The following TTC27 variants were observed in gnomAD, a reference collection of about 807,000 sequenced individuals.
The protein encoded by TTC27 is tetratricopeptide repeat domain 27.
TTC27 carries 79 observed loss-of-function variants against 115.9 expected under a neutral mutation model. The observed-to-expected ratio is 0.68, with a 90% confidence interval of 0.57 to 0.82. TTC27 has a LOEUF of 0.82. Among genes scored for constraint, TTC27 ranks in the 40% least tolerant of loss-of-function variants. The pLI, the probability that TTC27 is intolerant of heterozygous loss-of-function variation, is 0.00. For missense variants in TTC27, 1,054 were observed against 993.1 expected (o/e 1.06, Z -0.82); for synonymous variants, 401 against 356.0 (o/e 1.13, Z -1.42).
In TTC27 at chr2:32,664,279, A is replaced by C. The variant is rs764813463; in HGVS notation, c.641-24A>C. 1.9e-6 allele frequency: 3 copies of C among 1,571,854 alleles called. No individual in the cohort carries two copies. In the South Asian group the frequency reaches 3.5e-5, roughly 19 times the overall value. On this transcript the variant is annotated intron_variant, in intron 5 of 19. Coordinates refer to ENST00000317907, the MANE Select transcript of TTC27 (RefSeq NM_017735.5). Reference sequence around the variant, plus strand: ...TATTTTTCTTCTCATCATAACTTTTAATGTTTTATCTTTTGTCTTGCAGTG... The same window carrying C: ...TATTTTTCTTCTCATCATAACTTTTCATGTTTTATCTTTTGTCTTGCAGTG...
At chr2:32,716,652 A>G (rs1479673013) in intron 10 of TTC27, among the ~76,000 whole-genome samples, 1 of 151,554 alleles carries the variant, frequency 6.6e-6, no homozygotes, top group Non-Finnish European at 1.5e-5. Context: ...GTTACTCTAT[A>G]TTCTATTGGG....
intron 10 of TTC27, among the ~76,000 whole-genome samples, chr2:32,706,386 C>G (rs1023498195): frequency 6.6e-6 from 1 of 150,772 alleles, no homozygotes; most frequent in African/African-American, 2.4e-5. Context: ...CCTGGCCTAT[C>G]TTATTCTTAA....
intron 9 of TTC27, among the ~76,000 whole-genome samples, chr2:32,681,265 A>G (rs1385078927): frequency 6.6e-6 from 1 of 152,196 alleles, no homozygotes; most frequent in Non-Finnish European, 1.5e-5. Context: ...AGCCCCACAC[A>G]TACTTTGGGC....
At chr2:32,811,674 A>C (rs1303997614) in intron 17 of TTC27, among the ~76,000 whole-genome samples, 1 of 152,222 alleles carries the variant, frequency 6.6e-6, no homozygotes, top group Non-Finnish European at 1.5e-5. Flanking sequence ...TTAAGTCAAA[A>C]CATAATACTT....
chr2:32,753,164 T>C (rs187565565), intron 12 of TTC27, among the ~76,000 whole-genome samples: 2 of 152,072 alleles, frequency 1.3e-5, no homozygotes, highest in East Asian at 3.9e-4. Context: ...ATGAATTAGC[T>C]TGGGCTTCTT....
At chr2:32,786,500 G>GT (rs979897588) in intron 15 of TTC27, among the ~76,000 whole-genome samples, 1 of 152,074 alleles carries the variant, frequency 6.6e-6, no homozygotes, top group Admixed American at 6.6e-5. Context: ...TTGACTGAAG[G>GT]TTTTTTTCTC....
intron 14 of TTC27, 81 bp from the exon 15 acceptor site, chr2:32,782,545 A>G (rs1670215929): frequency 3.3e-6 from 4 of 1,219,042 alleles, no homozygotes; most frequent in Non-Finnish European, 3.6e-6. Context: ...TTGGACTAGG[A>G]GAGTGTGTTG....
chr2:32,683,860 C>T (rs1666530046), intron 9 of TTC27, among the ~76,000 whole-genome samples: 1 of 151,862 alleles, frequency 6.6e-6, no homozygotes, highest in Non-Finnish European at 1.5e-5. Flanking sequence ...TTTTCCTTGG[C>T]AAAAGTTTGT....
intron 10 of TTC27, chr2:32,704,943 A>C: frequency 4.2e-6 from 2 of 470,776 alleles, no homozygotes; most frequent in South Asian, 3.1e-5. Flanking sequence ...ATTTCTCCCC[A>C]AGTAAAGTTA....
At chr2:32,674,203 T>G (rs867760949) in intron 8 of TTC27, among the ~76,000 whole-genome samples, 2 of 151,216 alleles carry the variant, frequency 1.3e-5, no homozygotes, top group Admixed American at 1.3e-4. Flanking sequence ...CAGGCTGGAG[T>G]GCAGTGGCGC....
chr2:32,659,166 A>G lies in TTC27; in HGVS notation c.641-5137A>G, dbSNP rs568997062. 5.3e-5 allele frequency among the ~76,000 whole-genome samples: 8 copies of G among 152,138 alleles called. No individual in the cohort carries two copies. In the East Asian group the frequency reaches 7.7e-4, roughly 15 times the overall value. The stretch of plus-strand genomic sequence containing the variant: ...TTTTTTGTTGAGATGAGTCCACTCT[A>G]TGTTGCTCAGGCTTGTCTTGAACTC... On this transcript the variant is annotated intron_variant, in intron 5 of 19. Transcript: ENST00000317907.
intron 4 of TTC27, among the ~76,000 whole-genome samples, chr2:32,646,448 G>A (rs899885003): frequency 6.6e-6 from 1 of 151,850 alleles, no homozygotes; most frequent in East Asian, 1.9e-4. Flanking sequence ...GGATTAACAG[G>A]CATAAGCTAC....
At chr2:32,696,390 A>G (rs998221753) in intron 9 of TTC27, among the ~76,000 whole-genome samples, 2 of 151,448 alleles carry the variant, frequency 1.3e-5, no homozygotes, top group Admixed American at 6.6e-5. Context: ...CCTGGGTTCA[A>G]GCACTTCTCC....
intron 8 of TTC27, 68 bp from the exon 9 acceptor site, chr2:32,678,787 TA>T (rs1185176572): frequency 1.6e-6 from 2 of 1,254,798 alleles, no homozygotes; most frequent in Non-Finnish European, 2.2e-6. Context: ...CTTTGCTTTT[TA>T]AAAATTATAT....
rs558593473 is a variant in TTC27 at position 32,806,609 on chromosome 2, T to C, written c.1999-4415T>C. Reference sequence around the variant, plus strand: ...TCCTGGCTAACACGGTGAAACCCCATCTCTACTAAAAATACAGAAAAAATT... The same window carrying C: ...TCCTGGCTAACACGGTGAAACCCCACCTCTACTAAAAATACAGAAAAAATT... On this transcript the variant is annotated intron_variant, in intron 16 of 19. Transcript: ENST00000317907. 9.2e-5 allele frequency among the ~76,000 whole-genome samples: 14 copies of C among 152,128 alleles called. No homozygotes were observed. In the East Asian group the frequency reaches 2.3e-3, roughly 25 times the overall value.
At chr2:32,738,106 A>T (rs899480332) in intron 12 of TTC27, among the ~76,000 whole-genome samples, 1 of 152,198 alleles carries the variant, frequency 6.6e-6, no homozygotes, top group African/African-American at 2.4e-5. Flanking sequence ...AAATGAGGAA[A>T]GGTTTCCCTT....
At chr2:32,674,255 A>C (rs777820096) in intron 8 of TTC27, among the ~76,000 whole-genome samples, 2 of 151,588 alleles carry the variant, frequency 1.3e-5, no homozygotes, top group Non-Finnish European at 2.9e-5. Flanking sequence ...GGTTCAAGCA[A>C]TTCTCCTGCT....
chr2:32,794,206 A>G (rs140332727), intron 16 of TTC27, among the ~76,000 whole-genome samples: 2,943 of 152,310 alleles, frequency 0.019, 60 homozygotes, highest in Middle Eastern at 0.041. Flanking sequence ...ATAGATCGCA[A>G]ATTAAGTCTC....
chr2:32,811,606 G>GGGGAT (rs1228244048), intron 17 of TTC27, among the ~76,000 whole-genome samples: 1 of 152,104 alleles, frequency 6.6e-6, no homozygotes, highest in Non-Finnish European at 1.5e-5. Flanking sequence ...GATCTGAGAT[G>GGGGAT]GGGATTAGGA....
Sources: allele counts gnomAD v4.1 joint callset (sites outside exome capture counted in the v4.1 genomes callset), GRCh38; gene constraint gnomAD v4.1.1; transcripts MANE v1.5; gene names NCBI Gene and HGNC (gene_info 2026-07-23, HGNC 2026-07-21).